The following TNPO2 variants were observed in gnomAD, a reference collection of about 807,000 sequenced individuals.
TNPO2 encodes the protein transportin 2.
In TNPO2, 16 loss-of-function variants were observed where a neutral mutation model predicts 111.1. The ratio of observed to expected loss-of-function variants is 0.14; its 90% CI spans 0.10 to 0.22. The LOEUF is 0.22. Among genes scored for constraint, TNPO2 ranks in the 10% least tolerant of loss-of-function variants. TNPO2 has a pLI of 1.00. For synonymous variants in TNPO2, 481 were observed against 475.8 expected, an observed-to-expected ratio of 1.01 and a Z score of -0.14; for missense variants, 530 against 1,173.7, an observed-to-expected ratio of 0.45 and a Z score of 8.01.
At position 12,721,204 on chromosome 19, in the gene TNPO2, A is replaced by T; in HGVS notation, c.-13-214T>A. ...CGGGCTCGGGAGCGCGGGAGGGGGG[A>T]TGTGGAAACGGGCCACAGGCGGCGG... On this transcript the variant is annotated intron_variant, in intron 2 of 25. Transcript: ENST00000425528. The surrounding 1 kb of genome is among the most constrained non-coding windows in gnomAD (Gnocchi z 4.9). The T allele has an allele frequency of 7.3e-7, 1 of 1,371,806 alleles. No individual in the cohort carries two copies. Among genetic ancestry groups the T allele is most frequent in the South Asian group, 1.6e-5 (1 of 63,838 alleles). 85.0% of individuals were successfully genotyped at this position (1,371,806 alleles called of 1,614,324 possible). A position where few individuals can be genotyped will look rare whatever the true frequency, so the allele number is the denominator to read the frequency against.
chr19:12,720,607 C>T (rs567883841), intron 3 of TNPO2, among the ~76,000 whole-genome samples: 17 of 152,228 alleles, frequency 1.1e-4, no homozygotes, highest in Non-Finnish European at 2.2e-4. Context: ...AGGCATGAGC[C>T]ACCCCGTTGG....
chr19:12,706,026 T>C lies in TNPO2; in HGVS notation c.1668+170A>G. 1.5e-6 allele frequency: 1 copy of C among 646,222 alleles called. No individual in the cohort carries two copies. Among genetic ancestry groups the C allele is most frequent in the Non-Finnish European group, 2.4e-6 (1 of 415,578 alleles). The allele number at this position is 646,222 out of a possible 1,614,324, so 40.0% of individuals were successfully genotyped here. On this transcript the variant is annotated intron_variant, in intron 15 of 25. Coordinates refer to ENST00000425528, the MANE Select transcript of TNPO2 (RefSeq NM_001382241.1). This position sits in a 1 kb window ranked among gnomAD's most constrained non-coding sequence, Gnocchi z 7.0. ...AGCACTTACCACGCTGTCTCATAAC[T>C]GTCTTTCTCCCCCACTAGACTGGGA...
At position 12,701,931 on chromosome 19, in the gene TNPO2, G is replaced by C; in HGVS notation, c.2412-80C>G. ...GAGGGCTGGGTCACTGGGGATCAGT[G>C]AGTGGGCCTGGGACATGCATCTGTG... is the stretch of plus-strand genomic sequence containing the variant. On this transcript the variant is annotated intron_variant, in intron 22 of 25. Transcript: ENST00000425528. This position sits in a 1 kb window ranked among gnomAD's most constrained non-coding sequence, Gnocchi z 5.0. The C allele has an allele frequency of 2.1e-6, 3 of 1,440,728 alleles. No homozygotes were observed. Among genetic ancestry groups the C allele is most frequent in the Non-Finnish European group, 2.9e-6 (3 of 1,024,404 alleles). The allele number at this position is 1,440,728 out of a possible 1,614,324, so 89.2% of individuals were successfully genotyped here.
In TNPO2 at chr19:12,700,158, C is replaced by T. The variant is rs2025204939; in HGVS notation, c.*1106G>A. On this transcript the variant is annotated 3_prime_UTR_variant, in exon 26 of 26. Coordinates refer to ENST00000425528, the MANE Select transcript of TNPO2 (RefSeq NM_001382241.1). ...GATGGAATAGGGAACAGGGGACACA[C>T]CACCTTTCCCTTCCACCAAGCCTTG... is the stretch of plus-strand genomic sequence containing the variant. 6.6e-6 allele frequency: 1 copy of T among 152,176 alleles called. No homozygotes were observed. Among genetic ancestry groups the T allele is most frequent in the African/African-American group, 2.4e-5 (1 of 41,422 alleles). The allele number at this position is 152,176 out of a possible 1,614,324, so 9.4% of individuals were successfully genotyped here.
chr19:12,714,977 G>A (rs1568337593), intron 9 of TNPO2, 38 bp from the exon 10 acceptor site: 1 of 1,598,280 alleles, frequency 6.3e-7, no homozygotes, highest in Admixed American at 1.8e-5. Flanking sequence ...TGGCCTGGCT[G>A]GGGGTGGCTC....
Position 12,715,773 on chromosome 19 carries a change from T to A in TNPO2, c.326-34A>T, listed in dbSNP as rs539824027. 1 of 1,558,104 alleles carries A rather than the reference T, an allele frequency of 6.4e-7. No individual in the cohort carries two copies. The highest frequency in any genetic ancestry group is 8.7e-7 in the Non-Finnish European group (1 of 1,148,124). On this transcript the variant is annotated intron_variant, in intron 5 of 25. Transcript: ENST00000425528. The surrounding 1 kb of genome is among the most constrained non-coding windows in gnomAD (Gnocchi z 7.1). ...GCCGGGAAAGGACGCTGCCTGAGGC[T>A]GGGCAGGGGCTGCCTAGCACCTCCC...
rs753895444 is a variant in TNPO2, at chr19:12,721,221, AGGC to A, written c.-13-234_-13-232del. On this transcript the variant is annotated intron_variant, in intron 2 of 25. Transcript: ENST00000425528. This position sits in a 1 kb window ranked among gnomAD's most constrained non-coding sequence, Gnocchi z 4.9. ...GAGGGGGGATGTGGAAACGGGCCAC[AGGC>A]GGCGGCGGCGGGGCCCGGCGGATCC... The A allele has an allele frequency of 2.9e-3, 3,792 of 1,290,414 alleles. No individual in the cohort carries two copies. The highest frequency in any genetic ancestry group is 8.4e-3 in the East Asian group (239 of 28,418). 79.9% of individuals were successfully genotyped at this position (1,290,414 alleles called of 1,614,324 possible). A position where few individuals can be genotyped will look rare whatever the true frequency, so the allele number is the denominator to read the frequency against.
At chr19:12,703,915 C>T (rs2025476144) in intron 18 of TNPO2, 114 bp from the exon 19 acceptor site, 7 of 938,030 alleles carry the variant, frequency 7.5e-6, no homozygotes, top group South Asian at 1.7e-5. Context: ...AGTTCTAGAG[C>T]TCCTAGCTGT....
At chr19:12,710,248 T>C (rs1208051664) in intron 13 of TNPO2, among the ~76,000 whole-genome samples, 1 of 152,180 alleles carries the variant, frequency 6.6e-6, no homozygotes, top group African/African-American at 2.4e-5. Flanking sequence ...TTTCTGTACC[T>C]CAGTTTCCCC....
intron 5 of TNPO2, among the ~76,000 whole-genome samples, chr19:12,718,067 C>T (rs1291831659): frequency 2.0e-5 from 3 of 149,370 alleles, no homozygotes; most frequent in Admixed American, 6.7e-5. Flanking sequence ...TGTAGTGCCG[C>T]AATCTCGGCT....
In TNPO2 at chr19:12,699,248, T is replaced by C. The variant is rs565419609; in HGVS notation, c.*2016A>G. 4.5e-6 allele frequency: 2 copies of C among 443,922 alleles called. No individual in the cohort carries two copies. Among genetic ancestry groups the C allele is most frequent in the Admixed American group, 4.9e-5 (2 of 40,806 alleles). 27.5% of individuals were successfully genotyped at this position (443,922 alleles called of 1,614,324 possible). ...TCAACAAAGTTCTACACAAGTGGAA[T>C]CTCACGCCACCTCGGCGCCAATCCC... is the stretch of plus-strand genomic sequence containing the variant. On this transcript the variant is annotated 3_prime_UTR_variant, in exon 26 of 26. Transcript: ENST00000425528.
At position 12,719,524 on chromosome 19, in the gene TNPO2, G is replaced by A. The variant is rs994760215; in HGVS notation, c.100-188C>T. Among the ~76,000 whole-genome samples the A allele has an allele frequency of 4.6e-5, 7 of 152,166 alleles. No homozygotes were observed. Among genetic ancestry groups the A allele is most frequent in the Admixed American group, 1.3e-4 (2 of 15,272 alleles). ...CAAATTCATATAAGGGGCCGGGCGCGGTGGCTCACGCCTGTAATCCCAGCA... is the reference window on the plus strand; with the variant it reads ...CAAATTCATATAAGGGGCCGGGCGCAGTGGCTCACGCCTGTAATCCCAGCA... On this transcript the variant is annotated intron_variant, in intron 3 of 25. Transcript: ENST00000425528. The surrounding 1 kb of genome is among the most constrained non-coding windows in gnomAD (Gnocchi z 5.0).
intron 3 of TNPO2, among the ~76,000 whole-genome samples, chr19:12,720,590 C>T (rs182824421): frequency 2.6e-5 from 4 of 152,276 alleles, no homozygotes; most frequent in Admixed American, 2.6e-4. Flanking sequence ...CAAAGTGCTC[C>T]GATTACAGGC....
chr19:12,701,967 A>G lies in TNPO2; in HGVS notation c.2411+105T>C, dbSNP rs554560773. The G allele has an allele frequency of 2.8e-5, 39 of 1,380,778 alleles. No homozygotes were observed. The South Asian group carries it at 3.8e-4, about 14-fold the overall frequency. 85.5% of individuals were successfully genotyped at this position (1,380,778 alleles called of 1,614,324 possible). On this transcript the variant is annotated intron_variant, in intron 22 of 25. Transcript: ENST00000425528. This position sits in a 1 kb window ranked among gnomAD's most constrained non-coding sequence, Gnocchi z 5.0. ...GGACATGCATCTGTGGGGGTGGGGC[A>G]GGGCAGGGAGTCAGTAGGCAGATGG...
rs1437906427 is a variant in TNPO2 at position 12,706,776 on chromosome 19, C to A, written c.1290G>T (p.Val430=). The A allele has an allele frequency of 1.9e-6, 3 of 1,610,208 alleles. No homozygotes were observed. The highest frequency in any genetic ancestry group is 2.2e-5 in the South Asian group (2 of 90,472). ...GCGGGATCAGCTCAGGCAGGTAGGG[C>A]ACCATGCCCTGCATGCAGCCTACAA... ...AIAEGCMQGM[V]PYLPELIPHL... Residue 430 remains valine, a synonymous_variant, in exon 14 of 26, where the codon GTG becomes GTT. Coordinates refer to ENST00000425528, the MANE Select transcript of TNPO2 (RefSeq NM_001382241.1). The surrounding 1 kb of genome is among the most constrained non-coding windows in gnomAD (Gnocchi z 7.0).
At chr19:12,711,187 C>G in intron 12 of TNPO2, 109 bp downstream of exon 12, 1 of 1,458,664 alleles carries the variant, frequency 6.9e-7, no homozygotes, top group East Asian at 2.3e-5. Context: ...AGCCACTGCG[C>G]CCGGCCACGA....
At position 12,721,270 on chromosome 19, in the gene TNPO2, C is replaced by A; in HGVS notation, c.-13-280G>T. The A allele has an allele frequency of 7.0e-6, 9 of 1,294,382 alleles. No homozygotes were observed. The highest frequency in any genetic ancestry group is 8.9e-6 in the Non-Finnish European group (9 of 1,014,350). The allele number at this position is 1,294,382 out of a possible 1,614,324, so 80.2% of individuals were successfully genotyped here. On this transcript the variant is annotated intron_variant, in intron 2 of 25. Transcript: ENST00000425528. This position sits in a 1 kb window ranked among gnomAD's most constrained non-coding sequence, Gnocchi z 4.9. ...GATCCTCATGGGACCCAGCGAAGAGCCCTCGTCCCAGGGTGGCCCATGCCG... is the reference window on the plus strand; with the variant it reads ...GATCCTCATGGGACCCAGCGAAGAGACCTCGTCCCAGGGTGGCCCATGCCG...
chr19:12,701,418 A>T lies in TNPO2; in HGVS notation c.2622T>A (p.Asp874Glu), dbSNP rs746518273. 10 of 1,613,816 alleles carry T rather than the reference A, an allele frequency of 6.2e-6. No homozygotes were observed. Among genetic ancestry groups the T allele is most frequent in the African/African-American group, 1.3e-5 (1 of 74,908 alleles). The change falls in exon 25 of 26, where the codon GAT (aspartate) becomes GAA (glutamate). Residue 874 changes from aspartate to glutamate, a missense_variant. By Grantham distance (45) the Asp-to-Glu change is conservative. Around this residue, in one of 4 missense-constraint regions of TNPO2, gnomAD observed 103 missense variants for 156.7 expected, o/e 0.66. Coordinates refer to ENST00000425528, the MANE Select transcript of TNPO2 (RefSeq NM_001382241.1). The surrounding 1 kb of genome is among the most constrained non-coding windows in gnomAD (Gnocchi z 5.0). ...ATTGCTCAGAGAACTGCTGCCAGTT[A>T]TCTTCCCCAACTTGGTCTTTGAAGC... ...LHGFKDQVGE[D>E]NWQQFSEQFP...
At chr19:12,717,177 T>C (rs1422704573) in intron 5 of TNPO2, among the ~76,000 whole-genome samples, 2 of 150,866 alleles carry the variant, frequency 1.3e-5, no homozygotes, top group African/African-American at 5.0e-5. Context: ...CCACACCCCC[T>C]CATTCTGTGT....
Sources: allele counts gnomAD v4.1 joint callset (sites outside exome capture counted in the v4.1 genomes callset), GRCh38; gene constraint gnomAD v4.1.1; regional missense constraint gnomAD v4.1.1; non-coding constraint Gnocchi (gnomAD v3.1); transcripts MANE v1.5; gene names NCBI Gene and HGNC (gene_info 2026-07-23, HGNC 2026-07-21).